The following SLC35F4 variants were observed in gnomAD, a reference collection of about 807,000 sequenced individuals.
The protein encoded by SLC35F4 is solute carrier family 35 member F4.
In SLC35F4, 24 loss-of-function variants were observed where a neutral mutation model predicts 44.2. The ratio of observed to expected loss-of-function variants is 0.54; its 90% confidence interval spans 0.39 to 0.76. SLC35F4 has a LOEUF of 0.76. Ranked by LOEUF, SLC35F4 falls within the 30% of genes least tolerant of loss-of-function variation. The probability of loss-of-function intolerance (pLI) is 0.00; values close to 1 mark genes in which losing one functional copy is unlikely to be tolerated. For missense variants in SLC35F4, 562 were observed against 586.1 expected, an observed-to-expected ratio of 0.96 and a Z score of 0.42; for synonymous variants, 238 against 223.6, an observed-to-expected ratio of 1.06 and a Z score of -0.57.
At chr14:57,664,093 G>C (rs2074229667) in intron 1 of SLC35F4, among the ~76,000 whole-genome samples, 1 of 152,040 alleles carries the variant, frequency 6.6e-6, no homozygotes, top group Admixed American at 6.6e-5. Context: ...TAAACTAATA[G>C]GACAATGAGG....
chr14:57,571,160 C>G (rs1409332129), intron 5 of SLC35F4, among the ~76,000 whole-genome samples: 1 of 152,118 alleles, frequency 6.6e-6, no homozygotes, highest in Admixed American at 6.5e-5. Context: ...TGGAACAGTT[C>G]TTTAATACAT....
intron 1 of SLC35F4, among the ~76,000 whole-genome samples, chr14:57,598,829 C>A (rs927508835): frequency 1.3e-5 from 2 of 152,034 alleles, no homozygotes; most frequent in African/African-American, 4.8e-5. Context: ...GTGCCTAAAC[C>A]TAAAGGTAGA....
At chr14:57,739,816 G>C (rs2076559956) in intron 1 of SLC35F4, among the ~76,000 whole-genome samples, 1 of 152,184 alleles carries the variant, frequency 6.6e-6, no homozygotes, top group Non-Finnish European at 1.5e-5. Flanking sequence ...GTAATTGATG[G>C]TGGGGCACCT....
At chr14:57,808,720 C>T (rs942044681) in intron 1 of SLC35F4, among the ~76,000 whole-genome samples, 3 of 152,194 alleles carry the variant, frequency 2.0e-5, no homozygotes, top group Non-Finnish European at 2.9e-5. Context: ...GAAGGAGGAT[C>T]CCTTGAGTCC....
intron 1 of SLC35F4, among the ~76,000 whole-genome samples, chr14:57,880,107 A>C (rs112553269): frequency 5.7e-5 from 8 of 140,344 alleles, no homozygotes; most frequent in South Asian, 2.3e-4. Flanking sequence ...GAAGGAAGGA[A>C]GGACAGTAGA....
At chr14:57,594,771 T>C (rs1369715056) in intron 1 of SLC35F4, among the ~76,000 whole-genome samples, 1 of 152,190 alleles carries the variant, frequency 6.6e-6, no homozygotes, top group African/African-American at 2.4e-5. Context: ...TTCCATGGGA[T>C]TGATCACTAA....
intron 1 of SLC35F4, among the ~76,000 whole-genome samples, chr14:57,823,915 T>C (rs1883446576): frequency 6.6e-6 from 1 of 152,186 alleles, no homozygotes; most frequent in South Asian, 2.1e-4. Flanking sequence ...AACATATCAT[T>C]AACAACTTTG....
downstream of SLC35F4, among the ~76,000 whole-genome samples, chr14:57,973,734 CAAGAA>C (rs1362328459): frequency 2.6e-5 from 4 of 152,016 alleles, no homozygotes; most frequent in Admixed American, 6.5e-5. Flanking sequence ...TTCATGGCTG[CAAGAA>C]AAGAAGTATA....
At chr14:57,847,573 T>C (rs111868971) in intron 1 of SLC35F4, among the ~76,000 whole-genome samples, 3,340 of 152,314 alleles carry the variant, frequency 0.022, 136 homozygotes, top group African/African-American at 0.076. Flanking sequence ...TGATATCCTA[T>C]AATACAAGGT....
intron 1 of SLC35F4, among the ~76,000 whole-genome samples, chr14:57,786,471 C>A (rs1566852865): frequency 6.6e-6 from 1 of 152,188 alleles, no homozygotes; most frequent in Admixed American, 6.5e-5. Flanking sequence ...GGCACAAAAA[C>A]CGAGCATTAA....
At chr14:57,656,516 A>G (rs1300762424) in intron 1 of SLC35F4, among the ~76,000 whole-genome samples, 1 of 152,080 alleles carries the variant, frequency 6.6e-6, no homozygotes, top group African/African-American at 2.4e-5. Context: ...TTGTTACTAT[A>G]GGAACTCAGA....
At position 57,681,827 on chromosome 14, in the gene SLC35F4, G is replaced by C. The variant is rs2074914213; in HGVS notation, c.104-87703C>G. On this transcript the variant is annotated intron_variant, in intron 1 of 7. Coordinates refer to ENST00000556826, the MANE Select transcript of SLC35F4 (RefSeq NM_001306087.2). ...GAAAAAAACAACCCCATCAAAAAGT[G>C]GGCAAAGGATATGAACAGACACTTC... Among the ~76,000 whole-genome samples, 3 of 152,022 alleles carry C rather than the reference G, an allele frequency of 2.0e-5. No homozygotes were observed. The South Asian group carries it at 6.2e-4, about 31-fold the overall frequency.
intron 1 of SLC35F4, among the ~76,000 whole-genome samples, chr14:57,775,795 G>T (rs2077474246): frequency 6.6e-6 from 1 of 152,176 alleles, no homozygotes; most frequent in Non-Finnish European, 1.5e-5. Flanking sequence ...TTCTTAACTG[G>T]GTTGAGATGG....
chr14:57,871,704 G>T (rs1888300255), intron 1 of SLC35F4, among the ~76,000 whole-genome samples: 1 of 152,148 alleles, frequency 6.6e-6, no homozygotes, highest in East Asian at 1.9e-4. Context: ...CCCCCTTGTG[G>T]TTGTAGTGGG....
At chr14:57,669,133 T>C (rs1235572615) in intron 1 of SLC35F4, among the ~76,000 whole-genome samples, 1 of 152,096 alleles carries the variant, frequency 6.6e-6, no homozygotes, top group Non-Finnish European at 1.5e-5. Context: ...TCTCTGTTTG[T>C]CTGTTATTGG....
chr14:57,856,396 A>G (rs1887094710), intron 1 of SLC35F4, among the ~76,000 whole-genome samples: 1 of 152,100 alleles, frequency 6.6e-6, no homozygotes, highest in African/African-American at 2.4e-5. Context: ...TGGTCTTTGC[A>G]TTAGACCTTG....
intron 1 of SLC35F4, among the ~76,000 whole-genome samples, chr14:57,728,939 G>C (rs2076281026): frequency 1.3e-5 from 2 of 152,148 alleles, no homozygotes; most frequent in African/African-American, 4.8e-5. Flanking sequence ...CATTATTCTA[G>C]GGTAAAAGTT....
upstream of SLC35F4, among the ~76,000 whole-genome samples, chr14:57,982,703 A>C (rs928484652): frequency 2.6e-5 from 4 of 152,152 alleles, no homozygotes; most frequent in South Asian, 2.1e-4. Flanking sequence ...TTCTAAAAAA[A>C]ATCTTTTTTC....
downstream of SLC35F4, among the ~76,000 whole-genome samples, chr14:57,973,658 C>G (rs115066798): frequency 6.6e-6 from 1 of 152,092 alleles, no homozygotes; most frequent in Non-Finnish European, 1.5e-5. Context: ...AATTTAGGCT[C>G]TTTTGGTTGC....
Sources: gnomAD v4.1 joint callset for allele counts (sites outside exome capture counted in the v4.1 genomes callset) on GRCh38, gnomAD v4.1.1 for gene constraint, MANE v1.5 for transcripts, NCBI Gene and HGNC (gene_info 2026-07-23, HGNC 2026-07-21) for gene names.